Variants in IMMP2L observed in about 807,000 individuals in gnomAD.
IMMP2L encodes mitochondrial inner membrane protease subunit 2.
In IMMP2L, 18 loss-of-function variants were observed where a neutral mutation model predicts 19.3. The ratio of observed to expected loss-of-function variants is 0.93; its 90% CI spans 0.64 to 1.38. IMMP2L has a LOEUF of 1.38. Ranked by LOEUF, IMMP2L falls within the 40% of genes most tolerant of loss-of-function variation. The pLI, the probability that IMMP2L is intolerant of heterozygous loss-of-function variation, is 0.00. For synonymous variants in IMMP2L, 76 were observed against 73.0 expected (o/e 1.04, Z -0.21); for missense variants, 233 against 218.2 (o/e 1.07, Z -0.43).
intron 3 of IMMP2L, among the ~76,000 whole-genome samples, chr7:111,421,191 C>T (rs186725377): frequency 0.021 from 3,151 of 151,340 alleles, 199 homozygotes; most frequent in African/African-American, 0.073. Flanking sequence ...TGTCTGTTGG[C>T]TGCATAGATG....
In IMMP2L at chr7:111,478,078, C is replaced by T. The variant is rs555712732; in HGVS notation, c.239+9160G>A. On this transcript the variant is annotated intron_variant, in intron 3 of 5. Transcript: ENST00000405709. ...TTAAGATAATGCTTCTTCCTCAATT[C>T]CTACTCTCCTATTCTCCTGGGACTC... 4.6e-5 allele frequency among the ~76,000 whole-genome samples: 7 copies of T among 152,204 alleles called. No individual in the cohort carries two copies. In the East Asian group the frequency reaches 1.4e-3, roughly 29 times the overall value.
At chr7:111,353,663 T>C (rs1342227926) in intron 3 of IMMP2L, among the ~76,000 whole-genome samples, 2 of 152,196 alleles carry the variant, frequency 1.3e-5, no homozygotes, top group South Asian at 4.1e-4. Flanking sequence ...GGCAATAAGG[T>C]TCCGTCCAGT....
chr7:111,156,400 T>G (rs924824673), intron 3 of IMMP2L, among the ~76,000 whole-genome samples: 13 of 152,150 alleles, frequency 8.5e-5, no homozygotes, highest in African/African-American at 3.1e-4. Context: ...ATATTAAATT[T>G]TAATATTCAG....
chr7:111,102,619 T>G (rs1431494931), intron 3 of IMMP2L, among the ~76,000 whole-genome samples: 1 of 151,624 alleles, frequency 6.6e-6, no homozygotes, highest in Non-Finnish European at 1.5e-5. Context: ...GAAAAATTAC[T>G]AAATGGAAGC....
Position 111,282,989 on chromosome 7 carries a change from G to A in IMMP2L, c.239+204249C>T, listed in dbSNP as rs7811856. ...TAAACAACTAATCTAACAGACATCA[G>A]TAGAATACTCCATCCACAACACCTG... On this transcript the variant is annotated intron_variant, in intron 3 of 5. Coordinates refer to ENST00000405709, the MANE Select transcript of IMMP2L (RefSeq NM_032549.4). Among the ~76,000 whole-genome samples the A allele has an allele frequency of 3.5e-3, 528 of 152,148 alleles. 2 individuals are homozygous for A. The highest frequency in any genetic ancestry group is 0.012 in the African/African-American group (500 of 41,504).
At chr7:110,878,172 C>G (rs1563047179) in intron 5 of IMMP2L, among the ~76,000 whole-genome samples, 1 of 152,078 alleles carries the variant, frequency 6.6e-6, no homozygotes, top group African/African-American at 2.4e-5. Context: ...TCTAGAGATA[C>G]TCAGGAAAAC....
intron 3 of IMMP2L, among the ~76,000 whole-genome samples, chr7:111,385,194 T>G (rs527453046): frequency 6.6e-6 from 1 of 152,076 alleles, no homozygotes; most frequent in Non-Finnish European, 1.5e-5. Flanking sequence ...TTGAATAAGA[T>G]AGCCAAAGAA....
At chr7:110,977,530 A>T (rs1820824305) in intron 3 of IMMP2L, among the ~76,000 whole-genome samples, 1 of 151,960 alleles carries the variant, frequency 6.6e-6, no homozygotes, top group Admixed American at 6.6e-5. Flanking sequence ...AAACCACAAA[A>T]TGAACTTCTC....
At chr7:111,110,714 G>A (rs1399995139) in intron 3 of IMMP2L, among the ~76,000 whole-genome samples, 2 of 152,090 alleles carry the variant, frequency 1.3e-5, no homozygotes, top group African/African-American at 2.4e-5. Context: ...TCTTGACTGA[G>A]CAATGTGAAC....
At chr7:110,907,107 G>A (rs1812545182) in intron 4 of IMMP2L, among the ~76,000 whole-genome samples, 1 of 152,104 alleles carries the variant, frequency 6.6e-6, no homozygotes, top group African/African-American at 2.4e-5. Flanking sequence ...CAGAAGGAGT[G>A]TTACGTATAG....
At chr7:111,487,088 C>A in intron 3 of IMMP2L, 150 bp downstream of exon 3, 1 of 433,912 alleles carries the variant, frequency 2.3e-6, no homozygotes, top group Non-Finnish European at 4.1e-6. Context: ...CATTGTTACA[C>A]TGCAAAATTG....
chr7:111,488,274 G>A (rs1343708189), intron 2 of IMMP2L, among the ~76,000 whole-genome samples: 1 of 152,000 alleles, frequency 6.6e-6, no homozygotes, highest in African/African-American at 2.4e-5. Context: ...TGAGATTCTG[G>A]TGCACCCATC....
chr7:110,683,902 A>C (rs1189207477), intron 5 of IMMP2L, among the ~76,000 whole-genome samples: 1 of 152,140 alleles, frequency 6.6e-6, no homozygotes, highest in African/African-American at 2.4e-5. Flanking sequence ...ACAGTAGTTA[A>C]TTCAGAGAAA....
At chr7:111,063,946 C>T (rs1020947628) in intron 3 of IMMP2L, among the ~76,000 whole-genome samples, 2 of 152,188 alleles carry the variant, frequency 1.3e-5, no homozygotes, top group Admixed American at 6.6e-5. Context: ...CAACCTGTTC[C>T]AACCTTTGCT....
intron 3 of IMMP2L, among the ~76,000 whole-genome samples, chr7:111,365,777 G>A (rs973992270): frequency 3.9e-5 from 6 of 152,086 alleles, no homozygotes; most frequent in African/African-American, 1.4e-4. Flanking sequence ...TGGAGAAATG[G>A]CTAGCTTCAG....
rs189930985 is a variant in IMMP2L at position 111,169,071 on chromosome 7, T to G, written c.240-205506A>C. Among the ~76,000 whole-genome samples the G allele has an allele frequency of 5.3e-3, 803 of 152,038 alleles. 6 individuals are homozygous for G. Among genetic ancestry groups the G allele is most frequent in the Admixed American group, 8.5e-3 (130 of 15,230 alleles). ...GATAATTTTAGAACAGTGAGGTAAT[T>G]TGCAAAAACAGCAATCATGTAGTTT... On this transcript the variant is annotated intron_variant, in intron 3 of 5. Transcript: ENST00000405709.
chr7:111,227,336 G>A (rs1813215429), intron 3 of IMMP2L, among the ~76,000 whole-genome samples: 2 of 152,164 alleles, frequency 1.3e-5, no homozygotes, highest in South Asian at 2.1e-4. Flanking sequence ...TACTTTAAGA[G>A]ATTCCCAAAC....
intron 3 of IMMP2L, among the ~76,000 whole-genome samples, chr7:111,482,177 T>TA (rs1328856304): frequency 6.6e-6 from 1 of 152,244 alleles, no homozygotes; most frequent in African/African-American, 2.4e-5. Flanking sequence ...CTTGCTATAT[T>TA]AGACAGTACA....
At chr7:110,676,818 G>T (rs1792333598) in intron 5 of IMMP2L, among the ~76,000 whole-genome samples, 1 of 152,120 alleles carries the variant, frequency 6.6e-6, no homozygotes, top group South Asian at 2.1e-4. Context: ...TCCTGGTACT[G>T]CACTGACAAC....
Sources: gnomAD v4.1 joint callset for allele counts (sites outside exome capture counted in the v4.1 genomes callset) on GRCh38, gnomAD v4.1.1 for gene constraint, MANE v1.5 for transcripts, NCBI Gene and HGNC (gene_info 2026-07-23, HGNC 2026-07-21) for gene names.